Variants in NOL7 observed in about 807,000 individuals in gnomAD.
NOL7 encodes nucleolar protein 7.
A neutral mutation model predicts 38.4 loss-of-function variants in NOL7; 36 were observed. That is an observed-to-expected ratio of 0.94 (90% CI 0.72 to 1.24). The LOEUF (loss-of-function observed/expected upper bound fraction) is 1.24, where lower values mean the gene tolerates loss of function less well. Among genes scored for constraint, NOL7 ranks in the 50% most tolerant of loss-of-function variants. The pLI is 0.00. For missense variants in NOL7, 350 were observed against 315.1 expected, an observed-to-expected ratio of 1.11 and a Z score of -0.84; for synonymous variants, 142 against 126.5, an observed-to-expected ratio of 1.12 and a Z score of -0.82.
At chr6:13,619,130 C>G (rs1180852023) in intron 5 of NOL7, among the ~76,000 whole-genome samples, 1 of 152,220 alleles carries the variant, frequency 6.6e-6, no homozygotes, top group Admixed American at 6.5e-5. Context: ...CTGAATGTTC[C>G]TCCAGTCACC....
chr6:13,622,919 CTG>C (rs3842123), downstream of NOL7, among the ~76,000 whole-genome samples: 33 of 152,310 alleles, frequency 2.2e-4, no homozygotes, highest in East Asian at 6.4e-3. Context: ...TCTTCCACCT[CTG>C]TGGATAGGAC....
chr6:13,630,999 C>G (rs1017002858), intron 8 of NOL7, among the ~76,000 whole-genome samples: 4 of 151,960 alleles, frequency 2.6e-5, no homozygotes, highest in Non-Finnish European at 5.9e-5. Flanking sequence ...TTAGTAGAGA[C>G]GGGGTTTCAC....
At chr6:13,627,807 A>G (rs1175173557) in intron 8 of NOL7, among the ~76,000 whole-genome samples, 9 of 152,148 alleles carry the variant, frequency 5.9e-5, no homozygotes, top group Non-Finnish European at 1.3e-4. Flanking sequence ...CTTCAAGTAC[A>G]AAACTATATT....
chr6:13,622,986 G>C (rs1764496652), downstream of NOL7, among the ~76,000 whole-genome samples: 1 of 152,168 alleles, frequency 6.6e-6, no homozygotes, highest in Admixed American at 6.5e-5. Flanking sequence ...TATTTGGGCT[G>C]GTGGGGAGTA....
Position 13,616,446 on chromosome 6 carries a change from C to T in NOL7, c.328-17C>T, listed in dbSNP as rs749829566. 60 of 1,582,612 alleles carry T rather than the reference C, an allele frequency of 3.8e-5. No individual in the cohort carries two copies. The Middle Eastern group carries it at 8.4e-4, about 22-fold the overall frequency. On this transcript the variant is annotated splice_polypyrimidine_tract_variant and intron_variant, in intron 2 of 7. Coordinates refer to ENST00000451315, the MANE Select transcript of NOL7 (RefSeq NM_016167.5). ...TACATGACTTTCTATTAATTTTAAA[C>T]GTTTTCATTCCAAAAGAAAAGAAAA...
chr6:13,625,225 C>T (rs567715988), downstream of NOL7, among the ~76,000 whole-genome samples: 53 of 152,222 alleles, frequency 3.5e-4, no homozygotes, highest in Non-Finnish European at 6.6e-4. Context: ...AGCAGCCAAA[C>T]GAGAGAATGC....
chr6:13,624,182 C>G (rs1432217028), downstream of NOL7, among the ~76,000 whole-genome samples: 1 of 152,192 alleles, frequency 6.6e-6, no homozygotes, highest in Non-Finnish European at 1.5e-5. Context: ...GAGGACACTA[C>G]TCCTATTCCC....
chr6:13,626,453 C>T (rs966958010), downstream of NOL7, among the ~76,000 whole-genome samples: 1 of 152,182 alleles, frequency 6.6e-6, no homozygotes, highest in Non-Finnish European at 1.5e-5. Flanking sequence ...TGGCAATTGA[C>T]AATCTAAGTG....
chr6:13,617,459 C>CA (rs1764322260), intron 3 of NOL7, among the ~76,000 whole-genome samples: 2 of 152,226 alleles, frequency 1.3e-5, no homozygotes, highest in Admixed American at 1.3e-4. Context: ...CTTCATATTT[C>CA]AAATACTTTA....
intron 2 of NOL7, 106 bp downstream of exon 2, chr6:13,615,878 C>T (rs1173569221): frequency 1.1e-5 from 13 of 1,140,112 alleles, no homozygotes; most frequent in African/African-American, 9.4e-5. Context: ...GGGAAACAGT[C>T]ACCAAGATTG....
In NOL7 at chr6:13,620,291, A is replaced by G. The variant is rs138029598; in HGVS notation, c.584A>G (p.His195Arg). 1.4e-3 allele frequency: 2,183 copies of G among 1,614,238 alleles called. 24 individuals carry two copies. The African/African-American group carries it at 0.024, about 18-fold the overall frequency. Reference sequence around the variant, plus strand: ...CAACAAGCAGCACAAGCCTTCATACATAATTCATTATATGGGCCAGGAACC... The same window carrying G: ...CAACAAGCAGCACAAGCCTTCATACGTAATTCATTATATGGGCCAGGAACC... ...SRQQAAQAFI[H>R]NSLYGPGTNR... Residue 195 changes from histidine to arginine, a missense_variant, in exon 6 of 8, where the codon CAT becomes CGT. Physicochemically the swap from His to Arg is conservative, Grantham distance 29 (BLOSUM62 0). Transcript: ENST00000451315.
downstream of NOL7, chr6:13,625,749 G>A (rs565859388): frequency 6.2e-7 from 1 of 1,607,374 alleles, no homozygotes; most frequent in Admixed American, 1.7e-5. Context: ...GAATATGCTA[G>A]TAGACTGAAT....
At chr6:13,624,914 C>T (rs1764558695), downstream of NOL7, among the ~76,000 whole-genome samples, 1 of 152,164 alleles carries the variant, frequency 6.6e-6, no homozygotes, top group Non-Finnish European at 1.5e-5. Flanking sequence ...TGCCCATATT[C>T]ATAAGCATGG....
chr6:13,626,678 A>C (rs1764614786), downstream of NOL7, among the ~76,000 whole-genome samples: 1 of 152,248 alleles, frequency 6.6e-6, no homozygotes, highest in Non-Finnish European at 1.5e-5. Context: ...GAAGGCAGAC[A>C]TGGAGAGTTG....
intron 8 of NOL7, among the ~76,000 whole-genome samples, chr6:13,631,778 C>A (rs967976510): frequency 2.0e-5 from 3 of 152,214 alleles, no homozygotes; most frequent in Admixed American, 1.3e-4. Context: ...TCAACTGGTA[C>A]ACAAAACTGT....
rs1764407211 is a variant in NOL7 at position 13,620,323 on chromosome 6, A to G, written c.616A>G (p.Thr206Ala). The change falls in exon 6 of 8, where the codon ACT (threonine) becomes GCT (alanine). Residue 206 changes from threonine (T) to alanine (A), a missense_variant. Physicochemically the swap from Thr to Ala is moderately conservative, Grantham distance 58 (BLOSUM62 0). Transcript: ENST00000451315. ...NSLYGPGTNR[T>A]TVNKFLSLAN... ...ATTATATGGGCCAGGAACCAACAGG[A>G]CTACTGGTAATTTTTTTATGGACTA... 2 of 1,613,876 alleles carry G rather than the reference A, an allele frequency of 1.2e-6. No homozygotes were observed. Among genetic ancestry groups the G allele is most frequent in the East Asian group, 2.2e-5 (1 of 44,882 alleles).
intron 5 of NOL7, 125 bp downstream of exon 5, chr6:13,618,264 G>T: frequency 3.6e-6 from 1 of 279,396 alleles, no homozygotes. Context: ...TTTTTGAGAC[G>T]GAGTCTCGCT....
downstream of NOL7, chr6:13,625,611 A>C: frequency 1.4e-6 from 2 of 1,427,428 alleles, no homozygotes; most frequent in Non-Finnish European, 2.0e-6. Flanking sequence ...TTAAATTTTC[A>C]GAGAATCTAA....
intron 8 of NOL7, among the ~76,000 whole-genome samples, chr6:13,627,334 A>G (rs898192011): frequency 3.9e-5 from 6 of 152,042 alleles, no homozygotes; most frequent in Non-Finnish European, 7.4e-5. Flanking sequence ...AATCAAACAC[A>G]TTATTTTGTT....
Sources: gnomAD v4.1 joint callset for allele counts (sites outside exome capture counted in the v4.1 genomes callset) on GRCh38, gnomAD v4.1.1 for gene constraint, MANE v1.5 for transcripts, NCBI Gene and HGNC (gene_info 2026-07-23, HGNC 2026-07-21) for gene names.